The following CLCA4 variants were observed in gnomAD, a reference collection of about 807,000 sequenced individuals.
CLCA4 encodes the protein chloride channel accessory 4.
Under a neutral mutation model 78.9 loss-of-function variants are expected in CLCA4, and 69 were observed. The ratio of observed to expected loss-of-function variants is 0.87; its 90% CI spans 0.72 to 1.07. The LOEUF (loss-of-function observed/expected upper bound fraction) is 1.07. Among genes scored for constraint, CLCA4 ranks in the 50% least tolerant of loss-of-function variants. The probability of loss-of-function intolerance (pLI) is 0.00; values close to 1 mark genes in which losing one functional copy is unlikely to be tolerated. For missense variants in CLCA4, 1,133 were observed against 1,095.8 expected, an observed-to-expected ratio of 1.03 and a Z score of -0.48; for synonymous variants, 362 against 375.8, an observed-to-expected ratio of 0.96 and a Z score of 0.42.
At chr1:86,553,433 A>G (rs776414955) in intron 1 of CLCA4, 2 of 383,936 alleles carry the variant, frequency 5.2e-6, no homozygotes, top group African/African-American at 2.1e-5. Flanking sequence ...GAGATCCTCT[A>G]TTCCAGCAAG....
At position 86,579,491 on chromosome 1, in the gene CLCA4, C is replaced by A; in HGVS notation, c.2260C>A (p.Pro754Thr). The A allele has an allele frequency of 1.9e-6, 3 of 1,613,184 alleles. No homozygotes were observed. Among genetic ancestry groups the A allele is most frequent in the South Asian group, 2.2e-5 (2 of 91,062 alleles). The change falls in exon 13 of 14, where the codon CCA becomes ACA. Residue 754 changes from proline to threonine, a missense_variant. By Grantham distance (38) the Pro-to-Thr change is conservative. Coordinates refer to ENST00000370563, the MANE Select transcript of CLCA4 (RefSeq NM_012128.4). ...VPSLPLPDQY[P>T]PSQITDLDAT... ...AAGCCTTCCCTTGCCTGACCAATAC[C>A]CACCAAGTCAAATCACAGACCTTGA...
intron 1 of CLCA4, chr1:86,552,854 C>G (rs528853848): frequency 2.6e-6 from 2 of 761,554 alleles, no homozygotes; most frequent in African/African-American, 1.7e-5. Flanking sequence ...TCATATATAT[C>G]TGATCGAGTG....
chr1:86,562,618 G>A (rs926865361), intron 3 of CLCA4, among the ~76,000 whole-genome samples: 2 of 151,238 alleles, frequency 1.3e-5, no homozygotes, highest in Non-Finnish European at 3.0e-5. Flanking sequence ...ACTTTGGGAC[G>A]CTGAGGCGGG....
chr1:86,548,707 GA>G (rs1244809049), intron 1 of CLCA4, among the ~76,000 whole-genome samples: 2 of 116,242 alleles, frequency 1.7e-5, no homozygotes, highest in African/African-American at 6.4e-5. Flanking sequence ...AAAAAAAAAA[GA>G]ATTGGGATGT....
Position 86,548,409 on chromosome 1 carries a change from G to A in CLCA4, c.159+1131G>A, listed in dbSNP as rs534817845. 2.6e-5 allele frequency among the ~76,000 whole-genome samples: 4 copies of A among 152,062 alleles called. No individual in the cohort carries two copies. The East Asian group carries it at 5.8e-4, about 22-fold the overall frequency. On this transcript the variant is annotated intron_variant, in intron 1 of 13. Transcript: ENST00000370563. ...AAGAATTGGGATGTCAGCCAGGCAC[G>A]GTGGCTCTCATGCCTGTAATCTGAA...
At chr1:86,568,002 G>A (rs1286494706) in intron 7 of CLCA4, among the ~76,000 whole-genome samples, 1 of 151,996 alleles carries the variant, frequency 6.6e-6, no homozygotes, top group Non-Finnish European at 1.5e-5. Flanking sequence ...TGACACAGGT[G>A]ATATAGTATG....
chr1:86,549,164 G>A (rs889352573), intron 1 of CLCA4, among the ~76,000 whole-genome samples: 6 of 152,098 alleles, frequency 3.9e-5, no homozygotes, highest in Admixed American at 3.3e-4. Context: ...GGGCTGGATT[G>A]GGGGAGAATG....
chr1:86,567,202 A>G (rs1013637996), intron 6 of CLCA4, among the ~76,000 whole-genome samples: 3 of 152,004 alleles, frequency 2.0e-5, no homozygotes, highest in African/African-American at 7.2e-5. Flanking sequence ...TCAAGAATCA[A>G]TTGTAAATAA....
At chr1:86,558,710 C>T (rs1223789822) in intron 1 of CLCA4, among the ~76,000 whole-genome samples, 1 of 152,130 alleles carries the variant, frequency 6.6e-6, no homozygotes, top group East Asian at 1.9e-4. Flanking sequence ...CTTATGAAAC[C>T]ATCAGATCAC....
intron 1 of CLCA4, among the ~76,000 whole-genome samples, chr1:86,556,985 G>A (rs1268098042): frequency 2.0e-5 from 3 of 152,122 alleles, no homozygotes; most frequent in Admixed American, 6.5e-5. Flanking sequence ...TGTCTTTAGA[G>A]GTGTTCATAG....
chr1:86,578,987 G>A (rs1475185907), intron 12 of CLCA4, among the ~76,000 whole-genome samples: 2 of 152,040 alleles, frequency 1.3e-5, no homozygotes, highest in African/African-American at 4.8e-5. Context: ...CATGGAGGGA[G>A]GGACCTAGCA....
Position 86,560,337 on chromosome 1 carries a change from C to A in CLCA4, c.427C>A (p.Gln143Lys), listed in dbSNP as rs1182833351. Reference protein sequence around the residue: ...FTPDLLLGKKQNEYGPPGKLF... With the variant: ...FTPDLLLGKKKNEYGPPGKLF... Reference sequence around the variant, plus strand: ...CCCTGACCTTCTACTTGGAAAAAAACAAAATGAATATGGACCACCAGGTAG... The same window carrying A: ...CCCTGACCTTCTACTTGGAAAAAAAAAAAATGAATATGGACCACCAGGTAG... Residue 143 changes from glutamine (Q) to lysine (K), a missense_variant, in exon 3 of 14, where the codon CAA (glutamine) becomes AAA (lysine). Gln to Lys is a moderately conservative substitution (Grantham distance 53). Transcript: ENST00000370563. The A allele has an allele frequency of 3.7e-6, 6 of 1,613,266 alleles. No individual in the cohort carries two copies. In the African/African-American group the frequency reaches 5.3e-5, roughly 14 times the overall value.
chr1:86,572,495 G>A, intron 8 of CLCA4, 119 bp from the exon 9 acceptor site: 8 of 622,614 alleles, frequency 1.3e-5, no homozygotes, highest in Non-Finnish European at 2.3e-5. Flanking sequence ...TGTGCTTTTG[G>A]TCTATTTTAA....
intron 4 of CLCA4, among the ~76,000 whole-genome samples, chr1:86,564,211 C>T (rs1422554776): frequency 6.6e-6 from 1 of 152,140 alleles, no homozygotes; most frequent in African/African-American, 2.4e-5. Context: ...CGTCTAGCAT[C>T]ACAGTTAATA....
At position 86,560,256 on chromosome 1, in the gene CLCA4, C is replaced by T; in HGVS notation, c.346C>T (p.Pro116Ser). 1 of 1,613,898 alleles carries T rather than the reference C, an allele frequency of 6.2e-7. No homozygotes were observed. The highest frequency in any genetic ancestry group is 8.5e-7 in the Non-Finnish European group (1 of 1,179,886). The stretch of plus-strand genomic sequence containing the variant: ...ACCTACACTCCCAGGTAGAGATGAA[C>T]CATACACCAAGCAGTTCACAGAATG... ...APPTLPGRDEPYTKQFTECGE... is the reference protein window; with the variant it reads ...APPTLPGRDESYTKQFTECGE... The change falls in exon 3 of 14, where the codon CCA (proline) becomes TCA (serine). Residue 116 changes from proline to serine, a missense_variant. By Grantham distance (74) the Pro-to-Ser change is moderately conservative. Coordinates refer to ENST00000370563, the MANE Select transcript of CLCA4 (RefSeq NM_012128.4).
chr1:86,563,772 A>T lies in CLCA4; in HGVS notation c.557+3A>T, dbSNP rs1650094554. On this transcript the variant is annotated splice_donor_region_variant and intron_variant, in intron 4 of 13. Transcript: ENST00000370563. ...TCAAAAAAAATCGAAGCAACAAGGC[A>T]TGGCTATTTAAATTTTCTAAACTGA... The T allele has an allele frequency of 2.6e-6, 4 of 1,544,726 alleles. No homozygotes were observed. The African/African-American group carries it at 4.1e-5, about 16-fold the overall frequency.
At position 86,578,041 on chromosome 1, in the gene CLCA4, A is replaced by G. The variant is rs1650577189; in HGVS notation, c.2091A>G (p.Arg697=). The G allele has an allele frequency of 6.2e-7, 1 of 1,612,472 alleles. No homozygotes were observed. The highest frequency in any genetic ancestry group is 1.1e-5 in the South Asian group (1 of 90,970). Residue 697 remains arginine (R), a synonymous_variant, in exon 12 of 14, where the codon AGA becomes AGG. Coordinates refer to ENST00000370563, the MANE Select transcript of CLCA4 (RefSeq NM_012128.4). The part of the protein sequence containing the change: ...ARLKLRPPLN[R]AAYIPGWVVN... ...TAAAATTACGGCCTCCACTGAATAG[A>G]GCCGCGTACATACCAGGCTGGGTAG...
intron 7 of CLCA4, among the ~76,000 whole-genome samples, chr1:86,568,416 A>C (rs940917415): frequency 6.7e-6 from 1 of 149,304 alleles, no homozygotes; most frequent in African/African-American, 2.4e-5. Context: ...AATAATTAGT[A>C]AATATATGTA....
chr1:86,566,155 C>T, intron 6 of CLCA4, 135 bp downstream of exon 6: 1 of 581,056 alleles, frequency 1.7e-6, no homozygotes. Flanking sequence ...ATCATGACTT[C>T]AAGATACTGC....
Sources: gnomAD v4.1 joint callset for allele counts (sites outside exome capture counted in the v4.1 genomes callset) on GRCh38, gnomAD v4.1.1 for gene constraint, MANE v1.5 for transcripts, NCBI Gene and HGNC (gene_info 2026-07-23, HGNC 2026-07-21) for gene names.